Variants in MGRN1 observed in about 807,000 individuals in gnomAD.
MGRN1 encodes the protein E3 ubiquitin-protein ligase MGRN1.
In MGRN1, 29 loss-of-function variants were observed where a neutral mutation model predicts 69.2. That is an observed-to-expected ratio of 0.42 (90% CI 0.31 to 0.57). MGRN1 has a LOEUF of 0.57. MGRN1 is among the 20% of genes least tolerant of loss of function. MGRN1 has a pLI of 0.15. For synonymous variants in MGRN1, 470 were observed against 344.2 expected (o/e 1.37, Z -4.04); for missense variants, 998 against 796.2 (o/e 1.25, Z -3.05).
At chr16:4,673,225 T>C (rs998403737) in intron 9 of MGRN1, among the ~76,000 whole-genome samples, 1 of 152,202 alleles carries the variant, frequency 6.6e-6, no homozygotes, top group African/African-American at 2.4e-5. Context: ...TCCTCATTTT[T>C]TCTTTAGGTC....
intron 9 of MGRN1, among the ~76,000 whole-genome samples, chr16:4,673,089 C>T (rs1363967175): frequency 6.6e-6 from 1 of 152,242 alleles, no homozygotes; most frequent in African/African-American, 2.4e-5. Flanking sequence ...CTGCCCGCCT[C>T]AGCCTCCCAA....
chr16:4,665,389 C>G (rs1185743138), intron 7 of MGRN1, among the ~76,000 whole-genome samples: 2 of 151,160 alleles, frequency 1.3e-5, no homozygotes, highest in South Asian at 2.1e-4. Context: ...TTTCCTGAGC[C>G]GGGCTCACTC....
intron 1 of MGRN1, among the ~76,000 whole-genome samples, chr16:4,632,740 A>C (rs185467760): frequency 3.3e-4 from 50 of 152,176 alleles, no homozygotes; most frequent in Admixed American, 6.5e-4. Context: ...ACCACTGTCT[A>C]ATTCCAGAAC....
chr16:4,640,888 G>A (rs1378056033), intron 1 of MGRN1, among the ~76,000 whole-genome samples: 2 of 152,246 alleles, frequency 1.3e-5, no homozygotes, highest in Non-Finnish European at 2.9e-5. Context: ...CTCCACCGCT[G>A]ATGAGCTTGG....
At chr16:4,672,648 C>T (rs1054341990) in intron 9 of MGRN1, 6 of 349,158 alleles carry the variant, frequency 1.7e-5, no homozygotes, top group Non-Finnish European at 2.8e-5. Flanking sequence ...ACAGGAGCAG[C>T]GGGGACTGTA....
chr16:4,645,903 G>C (rs1336201787), intron 1 of MGRN1, among the ~76,000 whole-genome samples: 1 of 152,238 alleles, frequency 6.6e-6, no homozygotes, highest in African/African-American at 2.4e-5. Context: ...TCACAGGGCA[G>C]ATGGTGCCAG....
chr16:4,631,906 G>GTTGTT (rs1555445804), intron 1 of MGRN1, among the ~76,000 whole-genome samples: 7 of 91,452 alleles, frequency 7.7e-5, no homozygotes, highest in Non-Finnish European at 1.1e-4. Flanking sequence ...CTTCTCAGTT[G>GTTGTT]TTTTTTTTTT....
At chr16:4,680,434 G>GC (rs2079154982) in intron 12 of MGRN1, 1 of 292,346 alleles carries the variant, frequency 3.4e-6, no homozygotes, top group Non-Finnish European at 6.6e-6. Flanking sequence ...TTGCAATCGC[G>GC]CCCCGCGCAT....
intron 4 of MGRN1, 120 bp from the exon 5 acceptor site, chr16:4,657,126 T>C: frequency 1.1e-6 from 1 of 938,874 alleles, no homozygotes; most frequent in Non-Finnish European, 1.6e-6. Flanking sequence ...CTGTTCCCCA[T>C]GAGAGAGGGT....
At chr16:4,644,110 T>TG (rs1406487311) in intron 1 of MGRN1, among the ~76,000 whole-genome samples, 1 of 152,022 alleles carries the variant, frequency 6.6e-6, no homozygotes, top group Non-Finnish European at 1.5e-5. Flanking sequence ...CCTGAGTAGT[T>TG]GGGATTACAG....
chr16:4,686,812 G>A (rs1249806564), intron 16 of MGRN1: 2 of 987,490 alleles, frequency 2.0e-6, no homozygotes, highest in African/African-American at 1.7e-5. Flanking sequence ...CGCTCAGCAG[G>A]TCCACTCCCG....
chr16:4,668,124 C>CTTTTTTT (rs375154638), intron 7 of MGRN1, 141 bp from the exon 8 acceptor site: 56 of 521,666 alleles, frequency 1.1e-4, no homozygotes, highest in South Asian at 2.2e-4. Flanking sequence ...TGGCCCCACC[C>CTTTTTTT]TTTTTTTTTT....
intron 1 of MGRN1, chr16:4,639,945 C>G (rs1197245583): frequency 1.3e-5 from 2 of 152,388 alleles, no homozygotes; most frequent in Non-Finnish European, 2.9e-5. Flanking sequence ...CTCCGCGGCT[C>G]CGACGGTGTT....
intron 16 of MGRN1, among the ~76,000 whole-genome samples, chr16:4,684,578 G>C (rs145083640): frequency 1.3e-5 from 2 of 152,266 alleles, no homozygotes; most frequent in South Asian, 2.1e-4. Flanking sequence ...GGAACAGCAA[G>C]GCAGCAAGGC....
At position 4,689,743 on chromosome 16, in the gene MGRN1, A is replaced by T. The variant is rs1001122806; in HGVS notation, c.*835A>T. 1.3e-5 allele frequency: 2 copies of T among 150,182 alleles called. No homozygotes were observed. The highest frequency in any genetic ancestry group is 1.3e-4 in the Admixed American group (2 of 15,106). 9.3% of individuals were successfully genotyped at this position (150,182 alleles called of 1,614,324 possible). A position where few individuals can be genotyped will look rare whatever the true frequency, so the allele number is the denominator to read the frequency against. ...CCTCCTCATTCTCTTTTGCCATTGGAATGTCCCCTTGCAGTTCTCTTCTCT... is the reference window on the plus strand; with the variant it reads ...CCTCCTCATTCTCTTTTGCCATTGGTATGTCCCCTTGCAGTTCTCTTCTCT... On this transcript the variant is annotated 3_prime_UTR_variant, in exon 17 of 17. Coordinates refer to ENST00000262370, the MANE Select transcript of MGRN1 (RefSeq NM_015246.4).
chr16:4,689,000 T>C lies in MGRN1; in HGVS notation c.*92T>C, dbSNP rs1195605112. On this transcript the variant is annotated 3_prime_UTR_variant, in exon 17 of 17. Coordinates refer to ENST00000262370, the MANE Select transcript of MGRN1 (RefSeq NM_015246.4). ...CCCCGTTGTGAGCCGGCCTCCTGTC[T>C]GCATGCCCCCTGTGGCCACCAGGCT... The C allele has an allele frequency of 7.0e-7, 1 of 1,438,156 alleles. No individual in the cohort carries two copies. Among genetic ancestry groups the C allele is most frequent in the Non-Finnish European group, 9.2e-7 (1 of 1,089,906 alleles). The allele number at this position is 1,438,156 out of a possible 1,614,324, so 89.1% of individuals were successfully genotyped here.
At chr16:4,667,144 G>T (rs560048419) in intron 7 of MGRN1, among the ~76,000 whole-genome samples, 1 of 152,352 alleles carries the variant, frequency 6.6e-6, no homozygotes, top group East Asian at 1.9e-4. Flanking sequence ...GCTTCACGCT[G>T]CCTCTGGGTC....
At chr16:4,676,043 T>C (rs1234161201) in intron 10 of MGRN1, among the ~76,000 whole-genome samples, 1 of 152,220 alleles carries the variant, frequency 6.6e-6, no homozygotes, top group Non-Finnish European at 1.5e-5. Context: ...GCAGGACACA[T>C]GCGCTTAGTA....
chr16:4,656,025 T>TG (rs2078529675), intron 4 of MGRN1, among the ~76,000 whole-genome samples: 1 of 152,148 alleles, frequency 6.6e-6, no homozygotes, highest in Admixed American at 6.5e-5. Context: ...TGTACAGTGG[T>TG]GGCCCCCCCA....
Sources: allele counts gnomAD v4.1 joint callset (sites outside exome capture counted in the v4.1 genomes callset), GRCh38; gene constraint gnomAD v4.1.1; transcripts MANE v1.5; gene names NCBI Gene and HGNC (gene_info 2026-07-23, HGNC 2026-07-21).